The following SETD9 variants were observed in gnomAD, a reference collection of about 807,000 sequenced individuals.
SETD9 encodes SET domain containing 9.
SETD9 carries 37 observed loss-of-function variants against 36.4 expected under a neutral mutation model. That is an observed-to-expected ratio of 1.02 (90% CI 0.78 to 1.34). The LOEUF (loss-of-function observed/expected upper bound fraction) is 1.34, where lower values mean the gene tolerates loss of function less well. Ranked by LOEUF, SETD9 falls within the 40% of genes most tolerant of loss-of-function variation. SETD9 has a pLI of 0.00. For synonymous variants in SETD9, 128 were observed against 132.9 expected (o/e 0.96, Z 0.26); for missense variants, 323 against 353.2 (o/e 0.91, Z 0.69).
downstream of SETD9, chr5:56,928,665 ACATTAGT>A (rs1750122176): frequency 1.4e-6 from 1 of 710,192 alleles, no homozygotes. Flanking sequence ...CTATAAGGGA[ACATTAGT>A]AAGTTGTTCT....
At position 56,914,864 on chromosome 5, in the gene SETD9, G is replaced by A; in HGVS notation, c.710G>A (p.Arg237Lys). Residue 237 changes from arginine to lysine, a missense_variant, in exon 5 of 6, where the codon AGA becomes AAA. By Grantham distance (26) the Arg-to-Lys change is conservative. Coordinates refer to ENST00000285947, the MANE Select transcript of SETD9 (RefSeq NM_153706.4). ...AAAATGATGTGCTTGTTCCTAGACA[G>A]AGCAGCTAATGTCTGTTATCAGGAA... ...GQYVNNCSND[R>K]AANVCYQEFD... 1.3e-6 allele frequency: 2 copies of A among 1,597,326 alleles called. No homozygotes were observed. Among genetic ancestry groups the A allele is most frequent in the African/African-American group, 1.3e-5 (1 of 74,828 alleles).
At chr5:56,922,988 A>C in intron 5 of SETD9, 1 of 656,120 alleles carries the variant, frequency 1.5e-6, no homozygotes, top group South Asian at 2.0e-5. Context: ...TTGATAAATC[A>C]AGATATAGTT....
intron 5 of SETD9, among the ~76,000 whole-genome samples, chr5:56,915,438 A>G: frequency 6.6e-6 from 1 of 152,234 alleles, no homozygotes; most frequent in East Asian, 1.9e-4. Context: ...ACATATTTTA[A>G]CATAGCATTT....
In SETD9 at chr5:56,913,926, T is replaced by C. The variant is rs376578313; in HGVS notation, c.643T>C (p.Trp215Arg). 6.8e-6 allele frequency: 11 copies of C among 1,613,946 alleles called. No homozygotes were observed. The African/African-American group carries it at 1.3e-4, about 20-fold the overall frequency. Reference sequence around the variant, plus strand: ...CCCTTTAAAAATGAGTGATAGTACATGGCTAACGTCAGAAATTCATAACCC... The same window carrying C: ...CCCTTTAAAAATGAGTGATAGTACACGGCTAACGTCAGAAATTCATAACCC... The part of the protein sequence containing the change: ...LGPLKMSDST[W>R]LTSEIHNPLA... The change falls in exon 4 of 6, where the codon TGG (tryptophan) becomes CGG (arginine). Residue 215 changes from tryptophan to arginine, a missense_variant. Physicochemically the swap from Trp to Arg is moderately radical, Grantham distance 101. Coordinates refer to ENST00000285947, the MANE Select transcript of SETD9 (RefSeq NM_153706.4).
intron 3 of SETD9, among the ~76,000 whole-genome samples, chr5:56,913,483 A>G (rs1749262311): frequency 1.3e-5 from 2 of 151,552 alleles, no homozygotes; most frequent in South Asian, 4.2e-4. Flanking sequence ...TCCCGGGTTC[A>G]AGTGATTTTC....
At chr5:56,921,751 A>G (rs1749684404), downstream of SETD9, 1 of 152,654 alleles carries the variant, frequency 6.6e-6, no homozygotes, top group African/African-American at 2.4e-5. Context: ...ACTAGTAAAA[A>G]TCAAGAATTT....
intron 4 of SETD9, among the ~76,000 whole-genome samples, 193 bp downstream of exon 4, chr5:56,914,182 G>A (rs1368106042): frequency 6.6e-6 from 1 of 152,134 alleles, no homozygotes; most frequent in African/African-American, 2.4e-5. Context: ...ATTTAGAATT[G>A]TTTAATTTAC....
intron 1 of SETD9, chr5:56,910,263 T>G (rs1749044472): frequency 7.7e-7 from 1 of 1,302,892 alleles, no homozygotes; most frequent in Non-Finnish European, 1.0e-6. Flanking sequence ...TTTATTTTCA[T>G]AGTTCATACA....
At chr5:56,912,579 C>T (rs1213552670) in intron 2 of SETD9, among the ~76,000 whole-genome samples, 1 of 152,126 alleles carries the variant, frequency 6.6e-6, no homozygotes, top group Admixed American at 6.5e-5. Context: ...TTTCTCATTT[C>T]GTCTTTTGCC....
chr5:56,926,478 A>G (rs79680734), downstream of SETD9, among the ~76,000 whole-genome samples: 7,161 of 152,212 alleles, frequency 0.047, 245 homozygotes, highest in Non-Finnish European at 0.066. Flanking sequence ...GCAAATAAGC[A>G]TAAGAAAAGA....
chr5:56,922,216 T>C (rs1302018663), downstream of SETD9: 3 of 152,660 alleles, frequency 2.0e-5, no homozygotes, highest in African/African-American at 7.2e-5. Flanking sequence ...CTAGGCTTTG[T>C]AGACTGTGCC....
At chr5:56,909,462 T>G, upstream of SETD9, 1 of 497,746 alleles carries the variant, frequency 2.0e-6, no homozygotes, top group South Asian at 2.9e-5. Flanking sequence ...TTCAGAGAGG[T>G]GAGGTCAGGA....
chr5:56,922,008 T>C (rs950581809), downstream of SETD9: 6 of 152,658 alleles, frequency 3.9e-5, no homozygotes, highest in Non-Finnish European at 8.8e-5. Context: ...AGTGGTAATG[T>C]ACCATTCTAT....
chr5:56,920,007 C>A (rs1749593306), downstream of SETD9: 1 of 152,514 alleles, frequency 6.6e-6, no homozygotes, highest in Admixed American at 6.5e-5. Context: ...CCTTGGTGGT[C>A]AGGTTTATTT....
Position 56,913,224 on chromosome 5 carries a change from A to AT in SETD9, c.590+96dup. On this transcript the variant is annotated intron_variant, in intron 3 of 5. Transcript: ENST00000285947. ...GACTAATAGCATTTGTACTTTATTT[A>AT]TTTTTTATATAAAGAGATGGGGTCT... 3.1e-6 allele frequency: 4 copies of AT among 1,297,120 alleles called. No homozygotes were observed. In the South Asian group the frequency reaches 6.3e-5, roughly 20 times the overall value. The allele number at this position is 1,297,120 out of a possible 1,614,324, so 80.4% of individuals were successfully genotyped here. A position where few individuals can be genotyped will look rare whatever the true frequency, so the allele number is the denominator to read the frequency against.
downstream of SETD9, chr5:56,922,006 T>C (rs919133836): frequency 2.0e-5 from 3 of 152,672 alleles, no homozygotes; most frequent in Non-Finnish European, 4.4e-5. Flanking sequence ...AAAGTGGTAA[T>C]GTACCATTCT....
At chr5:56,910,338 T>A in intron 1 of SETD9, 1 of 1,304,266 alleles carries the variant, frequency 7.7e-7, no homozygotes. Context: ...GCTCGCGCGT[T>A]AAGAACGGGC....
intron 1 of SETD9, chr5:56,910,093 T>A (rs2112003881): frequency 1.6e-6 from 2 of 1,244,400 alleles, no homozygotes; most frequent in South Asian, 3.2e-5. Context: ...ATGTGTCGCC[T>A]GTTCTTCCCT....
Position 56,911,343 on chromosome 5 carries a change from A to G in SETD9, c.273A>G (p.Ala91=). 1.9e-6 allele frequency: 3 copies of G among 1,611,652 alleles called. No individual in the cohort carries two copies. The highest frequency in any genetic ancestry group is 2.5e-6 in the Non-Finnish European group (3 of 1,179,170). The stretch of plus-strand genomic sequence containing the variant: ...AATCAAAATATCAAGACCTACTGGC[A>G]GTTGAACATCAAGGGGTGAAACTGC... The part of the protein sequence containing the change: ...SVKSKYQDLL[A]VEHQGVKLLE... Residue 91 remains alanine, a synonymous_variant, in exon 2 of 6, where the codon GCA becomes GCG. Transcript: ENST00000285947.
Sources: allele counts gnomAD v4.1 joint callset (sites outside exome capture counted in the v4.1 genomes callset), GRCh38; gene constraint gnomAD v4.1.1; transcripts MANE v1.5; gene names NCBI Gene and HGNC (gene_info 2026-07-23, HGNC 2026-07-21).